The following LARP1B variants were observed in gnomAD, a reference collection of about 807,000 sequenced individuals.
The protein encoded by LARP1B is la-related protein 1B.
In LARP1B, 76 loss-of-function variants were observed where a neutral mutation model predicts 114.2. That is an observed-to-expected ratio of 0.67 (90% CI 0.55 to 0.81). The LOEUF (loss-of-function observed/expected upper bound fraction) is 0.81. Ranked by LOEUF, LARP1B falls within the 30% of genes least tolerant of loss-of-function variation. The probability of loss-of-function intolerance (pLI) is 0.00; values close to 1 mark genes in which losing one functional copy is unlikely to be tolerated. For synonymous variants in LARP1B, 345 were observed against 348.0 expected, an observed-to-expected ratio of 0.99 and a Z score of 0.10; for missense variants, 1,014 against 1,075.8, an observed-to-expected ratio of 0.94 and a Z score of 0.80.
intron 11 of LARP1B, among the ~76,000 whole-genome samples, chr4:128,129,702 G>A (rs1056573433): frequency 2.6e-5 from 4 of 152,072 alleles, no homozygotes; most frequent in Non-Finnish European, 4.4e-5. Context: ...AGAACAGAAT[G>A]GAAAGTGCAG....
intron 14 of LARP1B, 39 bp downstream of exon 14, chr4:128,178,681 T>A: frequency 7.0e-7 from 1 of 1,433,856 alleles, no homozygotes; most frequent in Non-Finnish European, 9.8e-7. Context: ...TTGCATTTTG[T>A]ATCCTTTAAC....
Position 128,114,694 on chromosome 4 carries a change from T to C in LARP1B, c.1113T>C (p.Pro371=), listed in dbSNP as rs748382291. 1 of 1,614,060 alleles carries C rather than the reference T, an allele frequency of 6.2e-7. No individual in the cohort carries two copies. Among genetic ancestry groups the C allele is most frequent in the South Asian group, 1.1e-5 (1 of 91,072 alleles). The change falls in exon 10 of 20, where the codon CCT becomes CCC. Residue 371 remains proline (P), a synonymous_variant. Transcript: ENST00000326639. ...STSLPDLDSE[P]WIEVKKRHQP... ...GTTTGCCTGACTTGGACTCAGAACC[T>C]TGGATAGAAGTTAAAAAAAGACATC...
Position 128,098,302 on chromosome 4 carries a change from T to G in LARP1B, c.785T>G (p.Leu262Arg), listed in dbSNP as rs1234095938. 1.9e-6 allele frequency: 3 copies of G among 1,613,756 alleles called. No homozygotes were observed. The highest frequency in any genetic ancestry group is 2.5e-6 in the Non-Finnish European group (3 of 1,179,824). The stretch of plus-strand genomic sequence containing the variant: ...GCTGGTTTTCAGCGTGTTCAGGCTC[T>G]CACTACAAACCTTAATCTCATCTTA... ...LIAGFQRVQA[L>R]TTNLNLILEA... is the part of the protein sequence containing the mutation. The change falls in exon 8 of 20, where the codon CTC becomes CGC. Residue 262 changes from leucine (L) to arginine (R), a missense_variant. Coordinates refer to ENST00000326639, the MANE Select transcript of LARP1B (RefSeq NM_018078.4).
intron 12 of LARP1B, among the ~76,000 whole-genome samples, chr4:128,173,030 G>A (rs1744473573): frequency 6.6e-6 from 1 of 150,686 alleles, no homozygotes; most frequent in African/African-American, 2.5e-5. Context: ...GCTTGATTGG[G>A]TTCTCTTTTA....
At chr4:128,155,751 G>C in intron 11 of LARP1B, 1 of 1,608,042 alleles carries the variant, frequency 6.2e-7, no homozygotes, top group Non-Finnish European at 8.5e-7. Flanking sequence ...CTGCGGCCAA[G>C]TGTAGGAACT....
chr4:128,120,802 AATTTTTT>A (rs1342047121), intron 10 of LARP1B, among the ~76,000 whole-genome samples: 19 of 92,062 alleles, frequency 2.1e-4, no homozygotes, highest in Non-Finnish European at 2.2e-4. Flanking sequence ...AGGGGTAGAC[AATTTTTT>A]TTTTTTTTTT....
chr4:128,091,693 T>C (rs1340133644), intron 7 of LARP1B, among the ~76,000 whole-genome samples, 181 bp downstream of exon 7: 2 of 151,700 alleles, frequency 1.3e-5, no homozygotes, highest in Non-Finnish European at 2.9e-5. Flanking sequence ...GCCTCCTGGG[T>C]TCAAGTGATT....
chr4:128,186,159 C>T (rs78372999), intron 15 of LARP1B, among the ~76,000 whole-genome samples: 2,512 of 151,936 alleles, frequency 0.017, 29 homozygotes, highest in Non-Finnish European at 0.024. Context: ...TGATTTTTCA[C>T]GGCCTTTTGT....
intron 17 of LARP1B, among the ~76,000 whole-genome samples, chr4:128,202,277 T>C (rs1298188129): frequency 1.3e-5 from 2 of 152,248 alleles, no homozygotes; most frequent in Admixed American, 6.5e-5. Context: ...CTCATTGTTC[T>C]TATTCAAACT....
intron 2 of LARP1B, 47 bp from the exon 3 acceptor site, chr4:128,074,887 A>G: frequency 1.5e-6 from 2 of 1,315,310 alleles, no homozygotes; most frequent in South Asian, 2.5e-5. Flanking sequence ...CCTGCTTAAA[A>G]TTTCTAAAAG....
Position 128,210,804 on chromosome 4 carries a change from T to G in LARP1B, c.*751T>G, listed in dbSNP as rs1758845251. The G allele has an allele frequency of 3.1e-6, 3 of 983,274 alleles. No individual in the cohort carries two copies. Among genetic ancestry groups the G allele is most frequent in the Non-Finnish European group, 3.6e-6 (3 of 828,108 alleles). 60.9% of individuals were successfully genotyped at this position (983,274 alleles called of 1,614,324 possible). A position where few individuals can be genotyped will look rare whatever the true frequency, so the allele number is the denominator to read the frequency against. ...CTGATTACATATTAGAGGTTTATTT[T>G]TATGATTCTATATAAACGTGCACGA... On this transcript the variant is annotated 3_prime_UTR_variant, in exon 20 of 20. Transcript: ENST00000326639.
intron 10 of LARP1B, among the ~76,000 whole-genome samples, chr4:128,118,138 C>G (rs1786582367): frequency 7.9e-6 from 1 of 126,430 alleles, no homozygotes; most frequent in African/African-American, 3.0e-5. Flanking sequence ...GCTGCCCAGG[C>G]TAGTCTTGAA....
rs141635653 is a variant in LARP1B at position 128,178,572 on chromosome 4, G to T, written c.1826G>T (p.Arg609Met). Reference sequence around the variant, plus strand: ...ACACCCAAAACACCTCGAACACCTAGGTTACAAGATCCTAACAAAACACCA... The same window carrying T: ...ACACCCAAAACACCTCGAACACCTATGTTACAAGATCCTAACAAAACACCA... ...TRTPKTPRTP[R>M]LQDPNKTPRF... Residue 609 changes from arginine (R) to methionine (M), a missense_variant, in exon 14 of 20, where the codon AGG becomes ATG. Coordinates refer to ENST00000326639, the MANE Select transcript of LARP1B (RefSeq NM_018078.4). The T allele has an allele frequency of 1.7e-4, 267 of 1,613,846 alleles. No homozygotes were observed. The highest frequency in any genetic ancestry group is 2.1e-4 in the Non-Finnish European group (250 of 1,180,000).
chr4:128,152,207 A>ATTTTT (rs35669651), intron 11 of LARP1B, among the ~76,000 whole-genome samples: 4 of 140,644 alleles, frequency 2.8e-5, no homozygotes, highest in Admixed American at 7.1e-5. Context: ...TAAGATGGTG[A>ATTTTT]TTTTTTTTTT....
Position 128,122,183 on chromosome 4 carries a change from A to T in LARP1B, c.1519A>T (p.Ile507Leu). The change falls in exon 11 of 20, where the codon ATA becomes TTA. Residue 507 changes from isoleucine to leucine, a missense_variant. Coordinates refer to ENST00000326639, the MANE Select transcript of LARP1B (RefSeq NM_018078.4). ...AGAAGATGAAAACAAACACACAGCC[A>T]TAAAGGTAATTGTTTCTGGCCAACA... is the stretch of plus-strand genomic sequence containing the variant. Reference protein sequence around the residue: ...MEEDENKHTAIKQEVENFKKL... With the variant: ...MEEDENKHTALKQEVENFKKL... 1 of 1,613,086 alleles carries T rather than the reference A, an allele frequency of 6.2e-7. No homozygotes were observed.
At chr4:128,153,259 A>G (rs907073131) in intron 11 of LARP1B, among the ~76,000 whole-genome samples, 7 of 151,606 alleles carry the variant, frequency 4.6e-5, no homozygotes, top group Admixed American at 3.9e-4. Flanking sequence ...TTGGGATTAC[A>G]GGCATGAACC....
At chr4:128,094,908 T>C (rs1777339831) in intron 7 of LARP1B, among the ~76,000 whole-genome samples, 1 of 152,030 alleles carries the variant, frequency 6.6e-6, no homozygotes, top group Non-Finnish European at 1.5e-5. Context: ...CGCAACACCA[T>C]GGCCGACTAA....
chr4:128,075,093 C>A, intron 3 of LARP1B, 100 bp downstream of exon 3: 2 of 817,914 alleles, frequency 2.4e-6, no homozygotes, highest in Non-Finnish European at 4.0e-6. Flanking sequence ...AATTGTCATA[C>A]TGGGGGACAG....
intron 3 of LARP1B, 123 bp from the exon 4 acceptor site, chr4:128,077,665 G>C (rs1579917645): frequency 1.0e-6 from 1 of 969,472 alleles, no homozygotes; most frequent in East Asian, 2.8e-5. Flanking sequence ...GTAATTTTTT[G>C]CCTTTGATAA....
Sources: allele counts gnomAD v4.1 joint callset (sites outside exome capture counted in the v4.1 genomes callset), GRCh38; gene constraint gnomAD v4.1.1; transcripts MANE v1.5; gene names NCBI Gene and HGNC (gene_info 2026-07-23, HGNC 2026-07-21).